Variants in CACNA1D observed in about 807,000 individuals in gnomAD.
CACNA1D encodes calcium voltage-gated channel subunit alpha1 D.
Under a neutral mutation model 257.1 loss-of-function variants are expected in CACNA1D, and 55 were observed. The ratio of observed to expected loss-of-function variants is 0.21; its 90% CI spans 0.17 to 0.27. CACNA1D has a LOEUF of 0.27. Among genes scored for constraint, CACNA1D ranks in the 10% least tolerant of loss-of-function variants. CACNA1D has a pLI of 1.00. For missense variants in CACNA1D, 1,876 were observed against 2,784.0 expected (o/e 0.67, Z 7.34); for synonymous variants, 980 against 1,014.9 (o/e 0.97, Z 0.65).
chr3:53,659,879 T>C (rs2094186258), intron 4 of CACNA1D, among the ~76,000 whole-genome samples: 1 of 152,210 alleles, frequency 6.6e-6, no homozygotes, highest in Non-Finnish European at 1.5e-5. Context: ...GAGTCCCCTC[T>C]TCTTTGGGAA....
In CACNA1D at chr3:53,667,390, G is replaced by A. The variant is rs77048132; in HGVS notation, c.1116+855G>A. Among the ~76,000 whole-genome samples the A allele has an allele frequency of 4.4e-3, 646 of 146,620 alleles. 25 individuals are homozygous for A. In the East Asian group the frequency reaches 0.098, roughly 22 times the overall value. On this transcript the variant is annotated intron_variant, in intron 7 of 47. Coordinates refer to ENST00000350061, the MANE Select transcript of CACNA1D (RefSeq NM_001128840.3). ...GTTTTTCACGGTATAAGAGTTGCTG[G>A]TAAAGACAGCTAACATGTAGATTTT...
In CACNA1D at chr3:53,630,956, A is replaced by G. The variant is rs187576292; in HGVS notation, c.484-19823A>G. Among the ~76,000 whole-genome samples the G allele has an allele frequency of 8.5e-5, 13 of 152,338 alleles. No individual in the cohort carries two copies. In the East Asian group the frequency reaches 2.5e-3, roughly 29 times the overall value. Reference sequence around the variant, plus strand: ...TCTAAAAAATGCACATACCTTAATTAAAAATACTTTATTACTAAAAATGCT... The same window carrying G: ...TCTAAAAAATGCACATACCTTAATTGAAAATACTTTATTACTAAAAATGCT... On this transcript the variant is annotated intron_variant, in intron 3 of 47. Coordinates refer to ENST00000350061, the MANE Select transcript of CACNA1D (RefSeq NM_001128840.3).
intron 8 of CACNA1D, among the ~76,000 whole-genome samples, chr3:53,674,450 A>T (rs1273647595): frequency 6.6e-6 from 1 of 152,206 alleles, no homozygotes; most frequent in East Asian, 1.9e-4. Flanking sequence ...ACTTTTGTGC[A>T]CACATTTCCC....
At chr3:53,678,756 T>C (rs1412636866) in intron 8 of CACNA1D, among the ~76,000 whole-genome samples, 1 of 152,180 alleles carries the variant, frequency 6.6e-6, no homozygotes, top group Non-Finnish European at 1.5e-5. Context: ...TACTGTGGAC[T>C]GACTATACCA....
rs902034500 is a variant in CACNA1D, at chr3:53,808,877, G to T, written c.5871+107G>T. On this transcript the variant is annotated intron_variant, in intron 46 of 47. Coordinates refer to ENST00000350061, the MANE Select transcript of CACNA1D (RefSeq NM_001128840.3). ...CCTTAAGCACCAGGAGGGAAGGAGA[G>T]AATCTTCACCTACAGTCTAGTTAAT... 3.4e-6 allele frequency: 4 copies of T among 1,171,242 alleles called. No homozygotes were observed. In the African/African-American group the frequency reaches 6.1e-5, roughly 18 times the overall value. The allele number at this position is 1,171,242 out of a possible 1,614,324, so 72.6% of individuals were successfully genotyped here.
chr3:53,725,831 A>G (rs1362378902), intron 14 of CACNA1D, among the ~76,000 whole-genome samples: 3 of 152,222 alleles, frequency 2.0e-5, no homozygotes, highest in Non-Finnish European at 2.9e-5. Flanking sequence ...TTCAGATTGA[A>G]GATAAAGGAG....
chr3:53,663,290 CTATG>C (rs2094223800), intron 5 of CACNA1D, among the ~76,000 whole-genome samples: 1 of 152,042 alleles, frequency 6.6e-6, no homozygotes. Flanking sequence ...TCTTTCCTGA[CTATG>C]TATTGGGAAA....
At chr3:53,704,815 G>C (rs1033726009) in intron 9 of CACNA1D, among the ~76,000 whole-genome samples, 1 of 152,220 alleles carries the variant, frequency 6.6e-6, no homozygotes, top group Non-Finnish European at 1.5e-5. Context: ...TGTCCCCCAG[G>C]GAGCTGAGTG....
intron 8 of CACNA1D, among the ~76,000 whole-genome samples, chr3:53,702,323 G>A (rs1013581296): frequency 2.0e-5 from 3 of 152,336 alleles, no homozygotes; most frequent in East Asian, 1.9e-4. Context: ...TTGTTGGGGG[G>A]TGTCAGAGGC....
At chr3:53,621,404 G>A (rs1368434013) in intron 3 of CACNA1D, among the ~76,000 whole-genome samples, 2 of 152,130 alleles carry the variant, frequency 1.3e-5, no homozygotes, top group Non-Finnish European at 2.9e-5. Context: ...TTTTCCTTAT[G>A]CCAATAGTAA....
chr3:53,675,001 T>G (rs1455288380), intron 8 of CACNA1D, among the ~76,000 whole-genome samples: 2 of 152,242 alleles, frequency 1.3e-5, no homozygotes, highest in Admixed American at 1.3e-4. Context: ...TTGGAAACAC[T>G]GCCTTTTCCA....
intron 15 of CACNA1D, among the ~76,000 whole-genome samples, chr3:53,730,154 A>G (rs918598239): frequency 2.6e-5 from 4 of 152,230 alleles, no homozygotes; most frequent in African/African-American, 9.6e-5. Context: ...GGACACACAC[A>G]CACACAGAGA....
At chr3:53,555,401 C>A (rs1480629078) in intron 3 of CACNA1D, among the ~76,000 whole-genome samples, 1 of 149,462 alleles carries the variant, frequency 6.7e-6, no homozygotes, top group Non-Finnish European at 1.5e-5. Flanking sequence ...ACCTTCTGCC[C>A]TTTCCCCTAT....
intron 3 of CACNA1D, among the ~76,000 whole-genome samples, chr3:53,629,671 TC>T (rs2093800676): frequency 2.0e-5 from 3 of 151,812 alleles, no homozygotes; most frequent in African/African-American, 7.3e-5. Context: ...TTCGTTTTTC[TC>T]CCCCCAGCAC....
In CACNA1D at chr3:53,534,219, C is replaced by T. The variant is rs72964378; in HGVS notation, c.483+32499C>T. The stretch of plus-strand genomic sequence containing the variant: ...ACGCCTGAGTTATTTCCAGAAGTGG[C>T]GTGGTGGGTAGAGTGTGAGGGCAGG... On this transcript the variant is annotated intron_variant, in intron 3 of 47. Transcript: ENST00000350061. 3.1e-3 allele frequency among the ~76,000 whole-genome samples: 474 copies of T among 152,328 alleles called. 5 individuals carry two copies. The highest frequency in any genetic ancestry group is 0.011 in the African/African-American group (441 of 41,566).
At chr3:53,770,288 CT>C in intron 31 of CACNA1D, 135 bp from the exon 32 acceptor site, 1 of 916,640 alleles carries the variant, frequency 1.1e-6, no homozygotes, top group Non-Finnish European at 1.8e-6. Context: ...TCATATCATG[CT>C]TTTTAAGATG....
intron 9 of CACNA1D, among the ~76,000 whole-genome samples, chr3:53,709,973 C>T (rs917075875): frequency 6.6e-6 from 1 of 152,188 alleles, no homozygotes; most frequent in African/African-American, 2.4e-5. Context: ...TTAGACCTGG[C>T]CTGTCAGAGT....
intron 15 of CACNA1D, among the ~76,000 whole-genome samples, chr3:53,727,809 A>G (rs1486924472): frequency 6.6e-6 from 1 of 152,100 alleles, no homozygotes; most frequent in Non-Finnish European, 1.5e-5. Context: ...TTCTGCTTCT[A>G]AGGTGGCCCA....
intron 39 of CACNA1D, chr3:53,782,911 C>T (rs1485475922): frequency 6.6e-6 from 1 of 152,188 alleles, no homozygotes; most frequent in Admixed American, 6.5e-5. Flanking sequence ...GCTTGCATGG[C>T]TTACATGAAA....
Sources: gnomAD v4.1 joint callset for allele counts (sites outside exome capture counted in the v4.1 genomes callset) on GRCh38, gnomAD v4.1.1 for gene constraint, MANE v1.5 for transcripts, NCBI Gene and HGNC (gene_info 2026-07-23, HGNC 2026-07-21) for gene names.